Variants in SNTG1 observed in about 807,000 individuals in gnomAD.
SNTG1 encodes the protein syntrophin gamma 1.
SNTG1 carries 39 observed loss-of-function variants against 74.7 expected under a neutral mutation model. That is an observed-to-expected ratio of 0.52 (90% confidence interval 0.40 to 0.68). The LOEUF (loss-of-function observed/expected upper bound fraction) is 0.68, where lower values mean the gene tolerates loss of function less well. Ranked by LOEUF, SNTG1 falls within the 30% of genes least tolerant of loss-of-function variation. The pLI is 0.00. For synonymous variants in SNTG1, 254 were observed against 217.1 expected (o/e 1.17, Z -1.49); for missense variants, 685 against 609.5 (o/e 1.12, Z -1.30).
rs1407974187 is a variant in SNTG1 at position 50,730,098 on chromosome 8, A to T, written c.1284+21120A>T. On this transcript the variant is annotated intron_variant, in intron 17 of 18. Coordinates refer to ENST00000642720, the MANE Select transcript of SNTG1 (RefSeq NM_018967.5). Reference sequence around the variant, plus strand: ...AGTTTCAGAGGAGACTGGAAGAAAAAAATTTCAATCCAGAATATTGTACAA... The same window carrying T: ...AGTTTCAGAGGAGACTGGAAGAAAATAATTTCAATCCAGAATATTGTACAA... Among the ~76,000 whole-genome samples the T allele has an allele frequency of 4.6e-5, 7 of 152,304 alleles. No homozygotes were observed. In the East Asian group the frequency reaches 1.4e-3, roughly 29 times the overall value.
chr8:50,110,165 A>G (rs2080527995), intron 1 of SNTG1, among the ~76,000 whole-genome samples: 1 of 152,084 alleles, frequency 6.6e-6, no homozygotes, highest in South Asian at 2.1e-4. Context: ...CCTTATCATC[A>G]TGCATCTAGT....
At chr8:50,015,730 A>G (rs910175103) in intron 1 of SNTG1, among the ~76,000 whole-genome samples, 4 of 152,142 alleles carry the variant, frequency 2.6e-5, no homozygotes, top group African/African-American at 9.7e-5. Context: ...AACCATTACA[A>G]TCAACACATT....
chr8:50,258,759 A>C (rs1246194280), intron 2 of SNTG1, among the ~76,000 whole-genome samples: 1 of 152,142 alleles, frequency 6.6e-6, no homozygotes, highest in Non-Finnish European at 1.5e-5. Context: ...AAAAAGAAGA[A>C]AGAAAATGAG....
chr8:50,566,730 T>C (rs2094518526), intron 12 of SNTG1, among the ~76,000 whole-genome samples: 1 of 152,012 alleles, frequency 6.6e-6, no homozygotes, highest in African/African-American at 2.4e-5. Flanking sequence ...TGTTTTGTTT[T>C]TCAGAAGTCT....
intron 10 of SNTG1, among the ~76,000 whole-genome samples, chr8:50,535,760 A>C (rs1173723663): frequency 6.6e-6 from 1 of 152,246 alleles, no homozygotes; most frequent in Non-Finnish European, 1.5e-5. Context: ...GTAATGCTTA[A>C]TAATATTTAG....
intron 2 of SNTG1, among the ~76,000 whole-genome samples, chr8:50,238,575 A>G (rs1217801047): frequency 6.6e-6 from 1 of 152,106 alleles, no homozygotes; most frequent in Non-Finnish European, 1.5e-5. Flanking sequence ...TCTGGACATT[A>G]TTTCTGGCAA....
At chr8:50,154,444 C>T (rs867500467) in intron 1 of SNTG1, among the ~76,000 whole-genome samples, 3 of 152,132 alleles carry the variant, frequency 2.0e-5, no homozygotes, top group Non-Finnish European at 4.4e-5. Flanking sequence ...GTCCTACCCC[C>T]ACTGTCCAAC....
chr8:50,701,275 G>C (rs1362686623), intron 15 of SNTG1, among the ~76,000 whole-genome samples: 1 of 152,152 alleles, frequency 6.6e-6, no homozygotes, highest in Non-Finnish European at 1.5e-5. Flanking sequence ...GCAGTATAAA[G>C]AGAGGGCATA....
At chr8:50,574,318 G>A (rs2094565085) in intron 12 of SNTG1, among the ~76,000 whole-genome samples, 1 of 152,028 alleles carries the variant, frequency 6.6e-6, no homozygotes, top group African/African-American at 2.4e-5. Context: ...TTCTGAAAGA[G>A]TACATCTATA....
chr8:50,433,336 A>G (rs982503045), intron 4 of SNTG1, among the ~76,000 whole-genome samples: 5 of 152,260 alleles, frequency 3.3e-5, no homozygotes, highest in Middle Eastern at 3.4e-3. Context: ...CCTTTATTTC[A>G]TAGTATTTCA....
intron 2 of SNTG1, among the ~76,000 whole-genome samples, chr8:50,210,099 G>T (rs2084443794): frequency 6.6e-6 from 1 of 152,156 alleles, no homozygotes; most frequent in Non-Finnish European, 1.5e-5. Context: ...TTTAGTAGCT[G>T]ATTTGATCAA....
intron 2 of SNTG1, among the ~76,000 whole-genome samples, chr8:50,288,243 A>G (rs977515468): frequency 4.6e-5 from 7 of 152,216 alleles, no homozygotes; most frequent in African/African-American, 7.2e-5. Context: ...GCACACATCT[A>G]CAACTCTCAT....
At chr8:50,024,353 T>C (rs1416731593) in intron 1 of SNTG1, among the ~76,000 whole-genome samples, 2 of 152,132 alleles carry the variant, frequency 1.3e-5, no homozygotes, top group Non-Finnish European at 2.9e-5. Context: ...GGAATAATTA[T>C]ATAACTTCAG....
At chr8:50,733,646 A>G (rs1446547386) in intron 17 of SNTG1, among the ~76,000 whole-genome samples, 1 of 151,766 alleles carries the variant, frequency 6.6e-6, no homozygotes, top group Non-Finnish European at 1.5e-5. Flanking sequence ...ATGGTATCTC[A>G]TTGTGGTTTT....
intron 2 of SNTG1, among the ~76,000 whole-genome samples, chr8:50,282,918 G>T (rs942879672): frequency 6.6e-6 from 1 of 152,116 alleles, no homozygotes; most frequent in Non-Finnish European, 1.5e-5. Flanking sequence ...GATTATTATT[G>T]AACTCATGCA....
At chr8:49,967,446 G>A (rs1811246702) in intron 1 of SNTG1, among the ~76,000 whole-genome samples, 1 of 152,108 alleles carries the variant, frequency 6.6e-6, no homozygotes, top group African/African-American at 2.4e-5. Context: ...TTCTGCTTTG[G>A]TAGATACATT....
chr8:50,282,726 A>T (rs1173648281), intron 2 of SNTG1, among the ~76,000 whole-genome samples: 4 of 152,152 alleles, frequency 2.6e-5, no homozygotes, highest in Non-Finnish European at 5.9e-5. Context: ...AGATCGTGCC[A>T]CTGCACTCCA....
intron 2 of SNTG1, among the ~76,000 whole-genome samples, chr8:50,311,532 A>G (rs1587071342): frequency 6.6e-6 from 1 of 152,348 alleles, no homozygotes; most frequent in East Asian, 1.9e-4. Flanking sequence ...CATCTTTTAC[A>G]TACAAACGTC....
At chr8:49,964,635 A>C (rs961112583) in intron 1 of SNTG1, among the ~76,000 whole-genome samples, 6 of 152,168 alleles carry the variant, frequency 3.9e-5, no homozygotes, top group Non-Finnish European at 8.8e-5. Flanking sequence ...CATGTGGGAA[A>C]CCTCTGGAAC....
Sources: allele counts gnomAD v4.1 joint callset (sites outside exome capture counted in the v4.1 genomes callset), GRCh38; gene constraint gnomAD v4.1.1; transcripts MANE v1.5; gene names NCBI Gene and HGNC (gene_info 2026-07-23, HGNC 2026-07-21).